The following SPATA31F3 variants were observed in gnomAD, a reference collection of about 807,000 sequenced individuals.
SPATA31F3 encodes the protein SPATA31 subfamily F member 3, also known as protein SPATA31F3.
the SPATA31F3 span, among the ~76,000 whole-genome samples, chr9:34,893,577 G>T: frequency 6.6e-6 from 1 of 151,700 alleles, no homozygotes; most frequent in East Asian, 1.9e-4. Flanking sequence ...CTCCAGCCTG[G>T]GCAACAAGAG....
At chr9:34,889,959 C>G in the SPATA31F3 span, among the ~76,000 whole-genome samples, 1 of 152,126 alleles carries the variant, frequency 6.6e-6, no homozygotes, top group East Asian at 1.9e-4. Context: ...TTATTCTTAT[C>G]TGGTCCTTTT....
At chr9:34,893,327 A>G in the SPATA31F3 span, among the ~76,000 whole-genome samples, 453 of 152,256 alleles carry the variant, frequency 3.0e-3, 4 homozygotes, top group Non-Finnish European at 4.9e-3. Flanking sequence ...GAGGCTGGAC[A>G]TAGTGGCTCA....
the SPATA31F3 span, chr9:34,889,158 A>C: frequency 7.5e-6 from 3 of 398,514 alleles, no homozygotes; most frequent in Non-Finnish European, 1.3e-5. Context: ...AGGGGATTGC[A>C]GAGGTTCAGG....
chr9:34,895,184 T>A, the SPATA31F3 span: 1 of 397,882 alleles, frequency 2.5e-6, no homozygotes, highest in Non-Finnish European at 4.4e-6. Context: ...TTTTTCTGTG[T>A]TCCAATTTTA....
At chr9:34,895,078 G>A in the SPATA31F3 span, 18 of 398,284 alleles carry the variant, frequency 4.5e-5, no homozygotes, top group African/African-American at 4.1e-5. Context: ...TGGACTCTTC[G>A]GTGACACTTA....
the SPATA31F3 span, chr9:34,895,492 C>T: frequency 2.5e-6 from 1 of 398,192 alleles, no homozygotes; most frequent in South Asian, 1.3e-4. Flanking sequence ...CTTTAAAAAG[C>T]AAGGGCTAAG....
the SPATA31F3 span, chr9:34,889,150 G>A: frequency 7.5e-6 from 3 of 398,554 alleles, no homozygotes; most frequent in Non-Finnish European, 1.3e-5. Flanking sequence ...CCTTTTTCAG[G>A]GGATTGCAGA....
At chr9:34,890,864 A>G in the SPATA31F3 span, among the ~76,000 whole-genome samples, 15 of 152,160 alleles carry the variant, frequency 9.9e-5, no homozygotes, top group Non-Finnish European at 2.1e-4. Flanking sequence ...TACCATCTCC[A>G]TCAGCTTGTG....
the SPATA31F3 span, among the ~76,000 whole-genome samples, chr9:34,894,088 GAAT>G: frequency 6.6e-6 from 1 of 152,230 alleles, no homozygotes; most frequent in African/African-American, 2.4e-5. Context: ...GGAATAAAGA[GAAT>G]AAGACAGGGA....
the SPATA31F3 span, among the ~76,000 whole-genome samples, chr9:34,893,547 G>T: frequency 6.6e-6 from 1 of 151,834 alleles, no homozygotes; most frequent in African/African-American, 2.4e-5. Context: ...CTTGCAGTGA[G>T]CCGAGATTGT....
At chr9:34,892,058 G>T in the SPATA31F3 span, among the ~76,000 whole-genome samples, 1 of 152,170 alleles carries the variant, frequency 6.6e-6, no homozygotes, top group Non-Finnish European at 1.5e-5. Context: ...TCTAAAGTCA[G>T]ACCAGGGATC....
At chr9:34,890,434 A>G in the SPATA31F3 span, among the ~76,000 whole-genome samples, 1 of 152,204 alleles carries the variant, frequency 6.6e-6, no homozygotes, top group Non-Finnish European at 1.5e-5. Context: ...CCAGCTGAAC[A>G]CAAAGTACCT....
At chr9:34,894,852 T>C in the SPATA31F3 span, among the ~76,000 whole-genome samples, 81,565 of 151,902 alleles carry the variant, frequency 0.54, 22,195 homozygotes, top group Middle Eastern at 0.61. Flanking sequence ...AGATAGAGAA[T>C]TTTTTAATGT....
chr9:34,895,156 CAT>C, the SPATA31F3 span: 1 of 398,402 alleles, frequency 2.5e-6, no homozygotes. Flanking sequence ...AAACAAAACT[CAT>C]AAACATTTCC....
At chr9:34,893,885 A>G in the SPATA31F3 span, among the ~76,000 whole-genome samples, 24,317 of 152,190 alleles carry the variant, frequency 0.16, 2,591 homozygotes, top group East Asian at 0.49. Context: ...CTTGAAGTTC[A>G]TGTAGGACCT....
the SPATA31F3 span, among the ~76,000 whole-genome samples, chr9:34,891,411 T>C: frequency 6.6e-6 from 1 of 152,180 alleles, no homozygotes; most frequent in Non-Finnish European, 1.5e-5. Context: ...CTCTGCAACA[T>C]TACCTTGGCC....
the SPATA31F3 span, chr9:34,889,688 C>T: frequency 2.5e-6 from 1 of 398,308 alleles, no homozygotes; most frequent in Non-Finnish European, 4.4e-6. Context: ...GACCCTGCAA[C>T]TCTTAGCCCT....
chr9:34,891,134 G>A, the SPATA31F3 span, among the ~76,000 whole-genome samples: 1 of 152,230 alleles, frequency 6.6e-6, no homozygotes, highest in South Asian at 2.1e-4. Flanking sequence ...GGTCTGGGCA[G>A]CTCAGGATCA....
At chr9:34,894,410 A>G in the SPATA31F3 span, 1 of 398,602 alleles carries the variant, frequency 2.5e-6, no homozygotes, top group Non-Finnish European at 4.4e-6. Context: ...CCAGACTAGC[A>G]GCTGGGAGAC....
Sources: allele counts gnomAD v4.1 joint callset (sites outside exome capture counted in the v4.1 genomes callset), GRCh38; gene constraint gnomAD v4.1.1; transcripts MANE v1.5; gene names NCBI Gene and HGNC (gene_info 2026-07-23, HGNC 2026-07-21).